Variants in NOS1AP observed in about 807,000 individuals in gnomAD.
NOS1AP encodes the protein nitric oxide synthase 1 adaptor protein, also known as carboxyl-terminal PDZ ligand of neuronal nitric oxide synthase protein.
A neutral mutation model predicts 56.2 loss-of-function variants in NOS1AP; 21 were observed. That is an observed-to-expected ratio of 0.37 (90% CI 0.26 to 0.54). NOS1AP has a LOEUF of 0.54. Among genes scored for constraint, NOS1AP ranks in the 20% least tolerant of loss-of-function variants. The pLI is 0.84. For synonymous variants in NOS1AP, 270 were observed against 274.6 expected (o/e 0.98, Z 0.17); for missense variants, 522 against 657.8 (o/e 0.79, Z 2.26).
intron 8 of NOS1AP, among the ~76,000 whole-genome samples, chr1:162,362,444 CAAA>C (rs11314295): frequency 7.4e-6 from 1 of 134,350 alleles, no homozygotes; most frequent in Non-Finnish European, 1.6e-5. Context: ...GAGTGAGTCT[CAAA>C]AAAAAAAAAA....
At chr1:162,302,789 C>T (rs1325329196) in intron 4 of NOS1AP, among the ~76,000 whole-genome samples, 1 of 152,170 alleles carries the variant, frequency 6.6e-6, no homozygotes, top group African/African-American at 2.4e-5. Flanking sequence ...TGTAACCCTT[C>T]TCTCCTCATT....
At chr1:162,111,903 C>G (rs1443956019) in intron 1 of NOS1AP, among the ~76,000 whole-genome samples, 4 of 152,206 alleles carry the variant, frequency 2.6e-5, no homozygotes, top group Non-Finnish European at 4.4e-5. Context: ...CTGCAGTCCT[C>G]AGGGCCTCAT....
rs554407508 is a variant in NOS1AP, at chr1:162,253,500, T to C, written c.178-33844T>C. 2.0e-5 allele frequency among the ~76,000 whole-genome samples: 3 copies of C among 152,274 alleles called. No individual in the cohort carries two copies. The South Asian group carries it at 6.2e-4, about 32-fold the overall frequency. ...GTTATGAATTGTCAGAGAGAAAACATTAGAAAAATGAGGAAAAAAGCTCTC... is the reference window on the plus strand; with the variant it reads ...GTTATGAATTGTCAGAGAGAAAACACTAGAAAAATGAGGAAAAAAGCTCTC... On this transcript the variant is annotated intron_variant, in intron 2 of 9. Coordinates refer to ENST00000361897, the MANE Select transcript of NOS1AP (RefSeq NM_014697.3).
chr1:162,198,053 G>T (rs1651865864), intron 2 of NOS1AP, among the ~76,000 whole-genome samples: 1 of 152,250 alleles, frequency 6.6e-6, no homozygotes, highest in African/African-American at 2.4e-5. Flanking sequence ...CTGGCTGTAG[G>T]AGGGCCCTGG....
chr1:162,235,570 T>G (rs951777479), intron 2 of NOS1AP, among the ~76,000 whole-genome samples: 3 of 152,180 alleles, frequency 2.0e-5, no homozygotes, highest in African/African-American at 7.2e-5. Context: ...TGGTCAACAG[T>G]GCGGAAACAT....
rs116241998 is a variant in NOS1AP, at chr1:162,130,898, C to T, written c.106-23507C>T. ...TTTTTTGGATTGGGATCAAGTAGGT[C>T]GGGTAGTCCAGATTTGGCATCTACA... On this transcript the variant is annotated intron_variant, in intron 1 of 9. Transcript: ENST00000361897. Among the ~76,000 whole-genome samples the T allele has an allele frequency of 4.0e-3, 611 of 152,222 alleles. 5 individuals are homozygous for T. The highest frequency in any genetic ancestry group is 0.014 in the African/African-American group (571 of 41,538).
intron 2 of NOS1AP, among the ~76,000 whole-genome samples, chr1:162,203,055 G>A (rs1652047837): frequency 6.6e-6 from 1 of 152,112 alleles, no homozygotes; most frequent in African/African-American, 2.4e-5. Flanking sequence ...TTAGGGTAGT[G>A]TCTTCATGAC....
intron 1 of NOS1AP, among the ~76,000 whole-genome samples, chr1:162,127,508 C>A (rs1292235919): frequency 6.6e-6 from 1 of 150,948 alleles, no homozygotes; most frequent in Non-Finnish European, 1.5e-5. Flanking sequence ...AAAGAAATAA[C>A]CTGAGACTGG....
chr1:162,364,235 C>T (rs1657993139), intron 8 of NOS1AP: 1 of 985,502 alleles, frequency 1.0e-6, no homozygotes, highest in Non-Finnish European at 1.2e-6. Flanking sequence ...ACCTCTCCTG[C>T]CCCCACTCAC....
chr1:162,292,495 C>T (rs1655309843), intron 3 of NOS1AP, among the ~76,000 whole-genome samples: 1 of 152,128 alleles, frequency 6.6e-6, no homozygotes, highest in Non-Finnish European at 1.5e-5. Context: ...AGGTAGATAC[C>T]ATTCTTATGA....
chr1:162,270,534 A>T (rs1654551004), intron 2 of NOS1AP, among the ~76,000 whole-genome samples: 3 of 152,346 alleles, frequency 2.0e-5, no homozygotes, highest in Non-Finnish European at 4.4e-5. Context: ...AAGCTGTGGT[A>T]GTCAGAGGAG....
intron 4 of NOS1AP, among the ~76,000 whole-genome samples, chr1:162,330,709 G>A (rs976915300): frequency 3.9e-5 from 6 of 152,206 alleles, no homozygotes; most frequent in Non-Finnish European, 7.3e-5. Context: ...ACACTTTGCT[G>A]GCAATGTAGA....
intron 4 of NOS1AP, among the ~76,000 whole-genome samples, chr1:162,332,204 G>C (rs1656791449): frequency 6.6e-6 from 1 of 152,076 alleles, no homozygotes; most frequent in Non-Finnish European, 1.5e-5. Context: ...TCCTGCCATG[G>C]TTTGGCCCAG....
rs1651803686 is a variant in NOS1AP, at chr1:162,196,280, G to T, written c.177+41804G>T. 1.3e-5 allele frequency among the ~76,000 whole-genome samples: 2 copies of T among 152,194 alleles called. 1 individual carries two copies. The highest frequency in any genetic ancestry group is 4.1e-4 in the South Asian group (2 of 4,826). On this transcript the variant is annotated intron_variant, in intron 2 of 9. Coordinates refer to ENST00000361897, the MANE Select transcript of NOS1AP (RefSeq NM_014697.3). Reference sequence around the variant, plus strand: ...ATAAAGGAATTGGGAATGCCTAATGGTGACATTGGGGCTCACCATTTAGTG... The same window carrying T: ...ATAAAGGAATTGGGAATGCCTAATGTTGACATTGGGGCTCACCATTTAGTG...
intron 1 of NOS1AP, among the ~76,000 whole-genome samples, chr1:162,106,418 C>A (rs146334703): frequency 6.6e-6 from 1 of 152,182 alleles, no homozygotes; most frequent in East Asian, 1.9e-4. Context: ...TGCTTCCAAT[C>A]GACCCAATGG....
intron 6 of NOS1AP, among the ~76,000 whole-genome samples, chr1:162,348,021 C>T (rs868779465): frequency 2.6e-5 from 4 of 152,130 alleles, no homozygotes; most frequent in Non-Finnish European, 4.4e-5. Context: ...TGGCTGATGC[C>T]GTTAACATTA....
chr1:162,296,855 T>A (rs183214867), intron 3 of NOS1AP, among the ~76,000 whole-genome samples: 1 of 152,348 alleles, frequency 6.6e-6, no homozygotes, highest in Admixed American at 6.5e-5. Context: ...CCCTCAGTGT[T>A]GCCACCAGTA....
intron 2 of NOS1AP, among the ~76,000 whole-genome samples, chr1:162,250,913 C>T (rs180861780): frequency 6.6e-6 from 1 of 152,210 alleles, no homozygotes; most frequent in East Asian, 1.9e-4. Context: ...CTTGACGTCC[C>T]AAGCATACTG....
intron 2 of NOS1AP, among the ~76,000 whole-genome samples, chr1:162,189,099 T>C (rs1571112347): frequency 6.6e-6 from 1 of 152,262 alleles, no homozygotes; most frequent in East Asian, 1.9e-4. Context: ...TATTTTAGTG[T>C]TTTTCATGTA....
Sources: gnomAD v4.1 joint callset for allele counts (sites outside exome capture counted in the v4.1 genomes callset) on GRCh38, gnomAD v4.1.1 for gene constraint, MANE v1.5 for transcripts, NCBI Gene and HGNC (gene_info 2026-07-23, HGNC 2026-07-21) for gene names.